The following GLCCI1 variants were observed in gnomAD, a reference collection of about 807,000 sequenced individuals.
GLCCI1 encodes the protein glucocorticoid induced 1.
Under a neutral mutation model 52.2 loss-of-function variants are expected in GLCCI1, and 24 were observed. That is an observed-to-expected ratio of 0.46 (90% CI 0.33 to 0.65). The LOEUF is 0.65. GLCCI1 is among the 30% of genes least tolerant of loss of function. The pLI is 0.02. For synonymous variants in GLCCI1, 310 were observed against 276.5 expected, an observed-to-expected ratio of 1.12 and a Z score of -1.20; for missense variants, 704 against 701.5, an observed-to-expected ratio of 1.00 and a Z score of -0.04.
chr7:8,013,098 C>G (rs1781302744), intron 2 of GLCCI1, among the ~76,000 whole-genome samples: 1 of 152,204 alleles, frequency 6.6e-6, no homozygotes, highest in Non-Finnish European at 1.5e-5. Flanking sequence ...GGGTTTATTT[C>G]TGGCTGCTGT....
intron 5 of GLCCI1, chr7:8,070,570 T>G (rs1782739303): frequency 6.1e-6 from 1 of 164,956 alleles, no homozygotes; most frequent in African/African-American, 2.4e-5. Flanking sequence ...TTTTTTAGCT[T>G]TGTTAATTCT....
At position 8,088,460 on chromosome 7, in the gene GLCCI1, T is replaced by C. The variant is rs755679967; in HGVS notation, c.*1922T>C. The C allele has an allele frequency of 1.3e-5, 2 of 152,614 alleles. No individual in the cohort carries two copies. The highest frequency in any genetic ancestry group is 2.4e-5 in the African/African-American group (1 of 41,430). The allele number at this position is 152,614 out of a possible 1,614,324, so 9.5% of individuals were successfully genotyped here. ...CAGGGGAACCTTTTAAAACAATCTT[T>C]TCAGCAGCAGATACCTTTAACCCTA... On this transcript the variant is annotated 3_prime_UTR_variant, in exon 8 of 8. Transcript: ENST00000223145.
intron 1 of GLCCI1, among the ~76,000 whole-genome samples, chr7:7,985,457 G>A (rs941266181): frequency 6.6e-6 from 1 of 151,878 alleles, no homozygotes; most frequent in African/African-American, 2.4e-5. Flanking sequence ...TGCTCACTTC[G>A]TATAAGATAA....
rs759119909 is a variant in GLCCI1, at chr7:7,969,310, C to T, written c.-41C>T. The stretch of plus-strand genomic sequence containing the variant: ...CGCTCGCGCGCCTCCCGCCCCGCGC[C>T]TCCGTGTCGGCCGGCGGCGTCCAGG... On this transcript the variant is annotated 5_prime_UTR_variant, in exon 1 of 8. Coordinates refer to ENST00000223145, the MANE Select transcript of GLCCI1 (RefSeq NM_138426.4). This position sits in a 1 kb window ranked among gnomAD's most constrained non-coding sequence, Gnocchi z 4.9. 15 of 1,402,500 alleles carry T rather than the reference C, an allele frequency of 1.1e-5. No individual in the cohort carries two copies. Among genetic ancestry groups the T allele is most frequent in the Non-Finnish European group, 1.3e-5 (14 of 1,071,994 alleles). 86.9% of individuals were successfully genotyped at this position (1,402,500 alleles called of 1,614,324 possible). A position where few individuals can be genotyped will look rare whatever the true frequency, so the allele number is the denominator to read the frequency against.
chr7:7,996,425 A>G (rs890708464), intron 1 of GLCCI1, among the ~76,000 whole-genome samples: 1 of 152,130 alleles, frequency 6.6e-6, no homozygotes, highest in African/African-American at 2.4e-5. Context: ...AAAAAAAAAA[A>G]GTATTCCAAA....
At chr7:8,059,417 T>G (rs1233839227) in intron 4 of GLCCI1, among the ~76,000 whole-genome samples, 1 of 152,192 alleles carries the variant, frequency 6.6e-6, no homozygotes, top group African/African-American at 2.4e-5. Flanking sequence ...AATTTTTACC[T>G]TATTAATCTT....
intron 3 of GLCCI1, among the ~76,000 whole-genome samples, chr7:8,030,503 A>G (rs534698029): frequency 1.8e-4 from 28 of 152,280 alleles, no homozygotes; most frequent in African/African-American, 6.5e-4. Context: ...CTAATACCAC[A>G]CAAGCACAGG....
At chr7:7,979,041 C>T (rs1008929607) in intron 1 of GLCCI1, among the ~76,000 whole-genome samples, 27 of 152,140 alleles carry the variant, frequency 1.8e-4, no homozygotes, top group Admixed American at 1.8e-3. Context: ...ATCAACAGTC[C>T]TCTTCCTGCT....
Position 8,011,126 on chromosome 7 carries a change from AC to A in GLCCI1, c.609+7068del, listed in dbSNP as rs71543858. ...AGAGTGAGACTCTGTCTCCTCCCAC[AC>A]AAAAAAAAATAATGAAATTTACCAT... is the stretch of plus-strand genomic sequence containing the variant. On this transcript the variant is annotated intron_variant, in intron 2 of 7. Coordinates refer to ENST00000223145, the MANE Select transcript of GLCCI1 (RefSeq NM_138426.4). Among the ~76,000 whole-genome samples, 1,455 of 148,878 alleles carry A rather than the reference AC, an allele frequency of 9.8e-3. 63 individuals are homozygous for A. The highest frequency in any genetic ancestry group is 0.071 in the Admixed American group (1,070 of 15,072).
In GLCCI1 at chr7:8,030,026, C is replaced by A. The variant is rs559387219; in HGVS notation, c.696+7457C>A. Among the ~76,000 whole-genome samples, 7 of 152,196 alleles carry A rather than the reference C, an allele frequency of 4.6e-5. No individual in the cohort carries two copies. The South Asian group carries it at 1.2e-3, about 27-fold the overall frequency. On this transcript the variant is annotated intron_variant, in intron 3 of 7. Coordinates refer to ENST00000223145, the MANE Select transcript of GLCCI1 (RefSeq NM_138426.4). ...TTCCTATCAAAATACCAATGAAATT[C>A]TTCACAGAAATGAAAAAAACTAAAA...
intron 1 of GLCCI1, among the ~76,000 whole-genome samples, chr7:7,999,350 G>C (rs922884822): frequency 6.6e-6 from 1 of 152,166 alleles, no homozygotes; most frequent in Non-Finnish European, 1.5e-5. Flanking sequence ...ACTCATGCCT[G>C]TAATCTCAGT....
Position 8,086,980 on chromosome 7 carries a change from CAA to C in GLCCI1, c.*460_*461del, listed in dbSNP as rs58639900. 0.47 allele frequency: 55,986 copies of C among 118,316 alleles called. 11,153 individuals are homozygous for C. Among genetic ancestry groups the C allele is most frequent in the Middle Eastern group, 0.56 (131 of 236 alleles). The allele number at this position is 118,316 out of a possible 1,614,324, so 7.3% of individuals were successfully genotyped here. A position where few individuals can be genotyped will look rare whatever the true frequency, so the allele number is the denominator to read the frequency against. ...TCTAACTTCTGTAATACATACAATG[CAA>C]AAAAAAAAAAAAAAAAATGGCCACA... On this transcript the variant is annotated 3_prime_UTR_variant, in exon 8 of 8. Coordinates refer to ENST00000223145, the MANE Select transcript of GLCCI1 (RefSeq NM_138426.4). This position sits in a 1 kb window ranked among gnomAD's most constrained non-coding sequence, Gnocchi z 4.4.
At chr7:7,981,209 G>T in intron 1 of GLCCI1, 1 of 309,654 alleles carries the variant, frequency 3.2e-6, no homozygotes, top group Non-Finnish European at 6.2e-6. Flanking sequence ...AAGTTATCTG[G>T]GACTGGAAGA....
At chr7:8,049,143 C>T (rs967931579) in intron 3 of GLCCI1, among the ~76,000 whole-genome samples, 1 of 152,016 alleles carries the variant, frequency 6.6e-6, no homozygotes, top group East Asian at 1.9e-4. Context: ...TTAGATGGAA[C>T]CATCTGAAGG....
intron 1 of GLCCI1, among the ~76,000 whole-genome samples, chr7:7,976,111 GTGTACGT>G: frequency 6.6e-6 from 1 of 152,166 alleles, no homozygotes; most frequent in South Asian, 2.1e-4. Context: ...GGGTTGAACA[GTGTACGT>G]ATATAACTTA....
At chr7:7,976,474 C>A (rs1306863036) in intron 1 of GLCCI1, among the ~76,000 whole-genome samples, 1 of 10,366 alleles carries the variant, frequency 9.6e-5, no homozygotes, top group South Asian at 2.6e-3. Context: ...AGTGAAACTC[C>A]ATCTCAAAAA....
intron 3 of GLCCI1, among the ~76,000 whole-genome samples, chr7:8,034,387 T>C (rs1162155907): frequency 1.3e-5 from 2 of 152,030 alleles, no homozygotes; most frequent in Non-Finnish European, 2.9e-5. Context: ...TCAATAAAAT[T>C]AACACTTATA....
intron 5 of GLCCI1, among the ~76,000 whole-genome samples, chr7:8,064,975 C>G (rs1054062545): frequency 2.6e-5 from 4 of 152,142 alleles, no homozygotes; most frequent in African/African-American, 7.2e-5. Context: ...CTCGGCCCCC[C>G]TAAAGTGCTG....
At chr7:8,019,992 C>CTT (rs1781453649) in intron 2 of GLCCI1, among the ~76,000 whole-genome samples, 1 of 152,116 alleles carries the variant, frequency 6.6e-6, no homozygotes, top group South Asian at 2.1e-4. Flanking sequence ...ATAACAAATA[C>CTT]TTTTCTTTCT....
Sources: gnomAD v4.1 joint callset for allele counts (sites outside exome capture counted in the v4.1 genomes callset) on GRCh38, gnomAD v4.1.1 for gene constraint, Gnocchi (gnomAD v3.1) non-coding constraint, MANE v1.5 for transcripts, NCBI Gene and HGNC (gene_info 2026-07-23, HGNC 2026-07-21) for gene names.